Variants in IFT88 observed in about 807,000 individuals in gnomAD.
The protein encoded by IFT88 is intraflagellar transport protein 88 homolog.
In IFT88, 74 loss-of-function variants were observed where a neutral mutation model predicts 119.5. That is an observed-to-expected ratio of 0.62 (90% confidence interval 0.51 to 0.75). The LOEUF (loss-of-function observed/expected upper bound fraction) is 0.75. IFT88 is among the 30% of genes least tolerant of loss of function. IFT88 has a pLI of 0.00. For missense variants in IFT88, 961 were observed against 977.7 expected (o/e 0.98, Z 0.23); for synonymous variants, 279 against 316.7 (o/e 0.88, Z 1.26).
intron 13 of IFT88, among the ~76,000 whole-genome samples, chr13:20,615,372 T>C (rs2045433535): frequency 1.3e-5 from 2 of 152,206 alleles, no homozygotes; most frequent in African/African-American, 4.8e-5. Flanking sequence ...CGGATACAGA[T>C]ACACATATAT....
At chr13:20,633,368 A>G (rs1001380013) in intron 16 of IFT88, among the ~76,000 whole-genome samples, 6 of 152,100 alleles carry the variant, frequency 3.9e-5, no homozygotes, top group Admixed American at 2.0e-4. Context: ...CCAGCCAGCC[A>G]TTGGATGTGG....
chr13:20,612,645 T>C (rs1337354419), intron 13 of IFT88, among the ~76,000 whole-genome samples: 1 of 152,032 alleles, frequency 6.6e-6, no homozygotes, highest in Non-Finnish European at 1.5e-5. Flanking sequence ...ATCCTAAAAC[T>C]CATATGGAAA....
intron 24 of IFT88, among the ~76,000 whole-genome samples, chr13:20,687,189 C>T (rs1043313920): frequency 9.9e-5 from 15 of 152,174 alleles, no homozygotes; most frequent in African/African-American, 3.1e-4. Context: ...TTTTTGCAGA[C>T]TTGCTTAATA....
Position 20,663,568 on chromosome 13 carries a change from G to C in IFT88, c.2139G>C (p.Leu713=). 1 of 1,613,818 alleles carries C rather than the reference G, an allele frequency of 6.2e-7. No homozygotes were observed. The highest frequency in any genetic ancestry group is 8.5e-7 in the Non-Finnish European group (1 of 1,179,866). The change falls in exon 23 of 26, where the codon CTG becomes CTC. Residue 713 remains leucine (L), a synonymous_variant. Coordinates refer to ENST00000351808, the MANE Select transcript of IFT88 (RefSeq NM_006531.5). ...ATGCTCAAGAATATGCCAGAAAACT[G>C]AAGAGGTTGGAAAAAATGAAAGAAA... ...LKDAQEYARK[L]KRLEKMKEIR...
At chr13:20,571,042 G>A (rs1457992862) in intron 1 of IFT88, among the ~76,000 whole-genome samples, 2 of 152,016 alleles carry the variant, frequency 1.3e-5, no homozygotes, top group African/African-American at 2.4e-5. Flanking sequence ...CGCCTAGGCA[G>A]GGGTGTGGTG....
At chr13:20,665,629 A>G (rs1324038725) in intron 23 of IFT88, among the ~76,000 whole-genome samples, 2 of 152,218 alleles carry the variant, frequency 1.3e-5, no homozygotes, top group Non-Finnish European at 2.9e-5. Flanking sequence ...TAAGATCACC[A>G]GTCATTTCTT....
chr13:20,691,024 C>G (rs769042964), intron 25 of IFT88, 30 bp from the exon 26 acceptor site: 1 of 1,608,830 alleles, frequency 6.2e-7, no homozygotes, highest in African/African-American at 1.3e-5. Flanking sequence ...GTTTACATAA[C>G]TCTAACGTGA....
At chr13:20,673,919 G>A (rs555693851) in intron 24 of IFT88, among the ~76,000 whole-genome samples, 8 of 152,262 alleles carry the variant, frequency 5.3e-5, no homozygotes, top group Non-Finnish European at 1.2e-4. Context: ...AGGTTCTTCT[G>A]GCACAAATTT....
chr13:20,579,545 A>G (rs1368102814), intron 2 of IFT88, among the ~76,000 whole-genome samples: 1 of 152,162 alleles, frequency 6.6e-6, no homozygotes, highest in Non-Finnish European at 1.5e-5. Flanking sequence ...CCTTCAAGGC[A>G]GTGGGTGTCC....
rs1370101065 is a variant in IFT88, at chr13:20,641,387, G to T, written c.1671G>T (p.Gln557His). Residue 557 changes from glutamine (Q) to histidine (H), a missense_variant, in exon 18 of 26, where the codon CAG becomes CAT. Gln to His is a conservative substitution (Grantham distance 24). Transcript: ENST00000351808. ...GAAACAGTGCCGAAGTTCTTTACCA[G>T]ATAGCAAATATGTATCTTATTTGAA... ...ILRNSAEVLY[Q>H]IANIYELMEN... 3.7e-6 allele frequency: 6 copies of T among 1,602,894 alleles called. No individual in the cohort carries two copies. The highest frequency in any genetic ancestry group is 5.1e-6 in the Non-Finnish European group (6 of 1,170,902).
chr13:20,653,969 TCTTTC>T (rs1472464553), intron 21 of IFT88, 41 bp downstream of exon 21: 1 of 1,295,286 alleles, frequency 7.7e-7, no homozygotes, highest in Admixed American at 2.3e-5. Context: ...ATATTTTGCT[TCTTTC>T]CTTTTAGGTA....
chr13:20,593,178 A>G (rs763575865), intron 7 of IFT88, among the ~76,000 whole-genome samples: 2 of 152,230 alleles, frequency 1.3e-5, no homozygotes, highest in Non-Finnish European at 2.9e-5. Flanking sequence ...GACAGTAGCC[A>G]AAAAGCTATG....
At chr13:20,636,897 T>C (rs1255595032) in intron 16 of IFT88, among the ~76,000 whole-genome samples, 1 of 152,208 alleles carries the variant, frequency 6.6e-6, no homozygotes, top group Non-Finnish European at 1.5e-5. Context: ...GCAACCCAAG[T>C]GTCCATCAAC....
intron 24 of IFT88, among the ~76,000 whole-genome samples, chr13:20,689,293 TTTGGA>T (rs1234553395): frequency 1.3e-5 from 2 of 152,168 alleles, no homozygotes; most frequent in African/African-American, 4.8e-5. Flanking sequence ...AGGCTAGGAA[TTTGGA>T]TTTGGATTTC....
intron 7 of IFT88, among the ~76,000 whole-genome samples, chr13:20,593,327 G>C (rs1326860343): frequency 1.3e-5 from 2 of 152,106 alleles, no homozygotes; most frequent in Admixed American, 6.5e-5. Flanking sequence ...TATGAAAACA[G>C]AGCTATTATT....
intron 15 of IFT88, among the ~76,000 whole-genome samples, chr13:20,627,335 A>G (rs966019771): frequency 2.6e-4 from 39 of 152,348 alleles, no homozygotes; most frequent in Non-Finnish European, 5.0e-4. Flanking sequence ...TATGGACAAG[A>G]ATAATTTTGT....
chr13:20,586,220 A>G (rs996566044), intron 3 of IFT88, among the ~76,000 whole-genome samples: 3 of 152,194 alleles, frequency 2.0e-5, no homozygotes, highest in African/African-American at 7.2e-5. Context: ...CTGTTGAATG[A>G]TATTTTCATC....
At chr13:20,578,358 C>CTTTTTTTTTTTTTTTTTTTTTTTTTGTTT (rs1158499742) in intron 2 of IFT88, among the ~76,000 whole-genome samples, 1 of 78,750 alleles carries the variant, frequency 1.3e-5, no homozygotes, top group Non-Finnish European at 2.5e-5. Context: ...AGTCTTGTTA[C>CTTTTTTTTTTTTTTTTTTTTTTTTTGTTT]TTTTTTTTTT....
chr13:20,617,232 G>C (rs2045774756), intron 14 of IFT88, among the ~76,000 whole-genome samples: 1 of 152,106 alleles, frequency 6.6e-6, no homozygotes. Context: ...TGCACAATTT[G>C]CTAGTGTGTT....
Sources: allele counts gnomAD v4.1 joint callset (sites outside exome capture counted in the v4.1 genomes callset), GRCh38; gene constraint gnomAD v4.1.1; transcripts MANE v1.5; gene names NCBI Gene and HGNC (gene_info 2026-07-23, HGNC 2026-07-21).